Variants in NR1H4 observed in about 807,000 individuals in gnomAD.
The protein encoded by NR1H4 is nuclear receptor subfamily 1 group H member 4.
NR1H4 carries 23 observed loss-of-function variants against 58.5 expected under a neutral mutation model. The observed-to-expected ratio is 0.39, with a 90% CI of 0.28 to 0.56. The LOEUF (loss-of-function observed/expected upper bound fraction) is 0.56, where lower values mean the gene tolerates loss of function less well. Ranked by LOEUF, NR1H4 falls within the 20% of genes least tolerant of loss-of-function variation. NR1H4 has a pLI of 0.58. For missense variants in NR1H4, 487 were observed against 576.9 expected (o/e 0.84, Z 1.60); for synonymous variants, 214 against 198.0 (o/e 1.08, Z -0.68).
chr12:100,477,398 C>G (rs1239447671), intron 1 of NR1H4, among the ~76,000 whole-genome samples: 1 of 151,560 alleles, frequency 6.6e-6, no homozygotes, highest in Non-Finnish European at 1.5e-5. Context: ...AATATAAAAT[C>G]CTAACAAAAC....
At chr12:100,538,477 T>C (rs1450125989) in intron 8 of NR1H4, among the ~76,000 whole-genome samples, 1 of 152,204 alleles carries the variant, frequency 6.6e-6, no homozygotes, top group Non-Finnish European at 1.5e-5. Context: ...TTATCCACAC[T>C]CATTCTGATG....
intron 3 of NR1H4, among the ~76,000 whole-genome samples, chr12:100,500,570 G>A (rs1370620992): frequency 6.6e-6 from 1 of 152,070 alleles, no homozygotes; most frequent in Non-Finnish European, 1.5e-5. Flanking sequence ...GATATGGTTG[G>A]GCTCTGTGTC....
chr12:100,515,374 G>C (rs1954239136), intron 4 of NR1H4, among the ~76,000 whole-genome samples: 1 of 151,862 alleles, frequency 6.6e-6, no homozygotes, highest in African/African-American at 2.4e-5. Flanking sequence ...GTTTCACCAT[G>C]TTGGCCAGGC....
chr12:100,505,447 G>A, intron 3 of NR1H4: 1 of 504,270 alleles, frequency 2.0e-6, no homozygotes, highest in Non-Finnish European at 3.5e-6. Flanking sequence ...TATGTGGTTA[G>A]TGGCTACCAT....
At chr12:100,538,529 C>G (rs1301446490) in intron 8 of NR1H4, among the ~76,000 whole-genome samples, 1 of 152,106 alleles carries the variant, frequency 6.6e-6, no homozygotes, top group Admixed American at 6.6e-5. Flanking sequence ...TTCTTATATC[C>G]CAGCCTCAAA....
intron 4 of NR1H4, among the ~76,000 whole-genome samples, chr12:100,525,817 T>A (rs1440066298): frequency 2.0e-5 from 3 of 152,196 alleles, no homozygotes; most frequent in Non-Finnish European, 1.5e-5. Flanking sequence ...TTTAATAGTA[T>A]AGGCCTATTT....
At chr12:100,541,610 T>C (rs528162025) in intron 9 of NR1H4, among the ~76,000 whole-genome samples, 24 of 142,340 alleles carry the variant, frequency 1.7e-4, no homozygotes, top group South Asian at 6.2e-4. Context: ...CTTTTCTTTT[T>C]TTTTTTTTGA....
At position 100,482,798 on chromosome 12, in the gene NR1H4, C is replaced by G. The variant is rs34752486; in HGVS notation, c.-190+8739C>G. 4.6e-5 allele frequency among the ~76,000 whole-genome samples: 7 copies of G among 152,266 alleles called. No homozygotes were observed. The East Asian group carries it at 9.7e-4, about 21-fold the overall frequency. Reference sequence around the variant, plus strand: ...TCCAGGTTCCTGGTCCTGGAAGCCTCAACTCCAGGTGCTTCTTCTACATCT... The same window carrying G: ...TCCAGGTTCCTGGTCCTGGAAGCCTGAACTCCAGGTGCTTCTTCTACATCT... On this transcript the variant is annotated intron_variant, in intron 1 of 10. Transcript: ENST00000392986.
At chr12:100,559,632 G>A (rs945773468) in intron 9 of NR1H4, among the ~76,000 whole-genome samples, 6 of 152,230 alleles carry the variant, frequency 3.9e-5, no homozygotes, top group African/African-American at 1.4e-4. Context: ...GCAGGGCTCG[G>A]GACCTGCAGC....
rs370016164 is a variant in NR1H4, at chr12:100,531,741, GT to G, written c.446-715del. 5.1e-3 allele frequency among the ~76,000 whole-genome samples: 780 copies of G among 152,048 alleles called. 5 individuals are homozygous for G. The highest frequency in any genetic ancestry group is 0.017 in the African/African-American group (706 of 41,472). On this transcript the variant is annotated intron_variant, in intron 4 of 10. Transcript: ENST00000392986. ...AAATGGAGCAGCAGAGTTGAAGTCG[GT>G]TACCTCCCTTCTTCACTCTAGGCAT...
intron 3 of NR1H4, among the ~76,000 whole-genome samples, chr12:100,502,861 T>C (rs912434957): frequency 6.6e-6 from 1 of 152,046 alleles, no homozygotes; most frequent in East Asian, 1.9e-4. Context: ...TATAAAACCA[T>C]CAGATCTTGT....
chr12:100,541,351 G>A (rs112035968), intron 9 of NR1H4, among the ~76,000 whole-genome samples: 1 of 149,362 alleles, frequency 6.7e-6, no homozygotes, highest in Non-Finnish European at 1.5e-5. Flanking sequence ...GTGTGATCTC[G>A]GCTCACTGCA....
At chr12:100,548,536 C>T (rs1955133350) in intron 9 of NR1H4, among the ~76,000 whole-genome samples, 1 of 152,132 alleles carries the variant, frequency 6.6e-6, no homozygotes, top group Admixed American at 6.6e-5. Flanking sequence ...CCTCCTCTCA[C>T]TTGATGAGAC....
rs955536638 is a variant in NR1H4 at position 100,560,416 on chromosome 12, T to A, written c.1079-1469T>A. Among the ~76,000 whole-genome samples, 6 of 152,158 alleles carry A rather than the reference T, an allele frequency of 3.9e-5. No homozygotes were observed. In the East Asian group the frequency reaches 9.6e-4, roughly 24 times the overall value. On this transcript the variant is annotated intron_variant, in intron 9 of 10. Transcript: ENST00000392986. ...TGAGTTGTAACACTCACTGCGAAGA[T>A]CTGCAGCTTCACTCCTGAACCCAGC...
intron 1 of NR1H4, among the ~76,000 whole-genome samples, chr12:100,489,539 T>C (rs899940444): frequency 2.0e-5 from 3 of 152,196 alleles, no homozygotes; most frequent in African/African-American, 7.2e-5. Flanking sequence ...CTTCTTTTGT[T>C]TTTTTTAACC....
At chr12:100,519,902 G>A (rs1954369570) in intron 4 of NR1H4, among the ~76,000 whole-genome samples, 3 of 152,104 alleles carry the variant, frequency 2.0e-5, no homozygotes, top group Admixed American at 2.0e-4. Context: ...AGGATTGGGG[G>A]CTTAAGCTCT....
chr12:100,556,445 C>T (rs1274856756), intron 9 of NR1H4, among the ~76,000 whole-genome samples: 1 of 127,764 alleles, frequency 7.8e-6, no homozygotes, highest in African/African-American at 2.8e-5. Flanking sequence ...CCAGCCTGGG[C>T]AACAAGAGTG....
At chr12:100,512,968 T>G (rs1954161085) in intron 4 of NR1H4, among the ~76,000 whole-genome samples, 1 of 152,218 alleles carries the variant, frequency 6.6e-6, no homozygotes, top group African/African-American at 2.4e-5. Context: ...TAGTCACTTC[T>G]TAAAAACTGG....
At chr12:100,554,870 T>C (rs949671408) in intron 9 of NR1H4, among the ~76,000 whole-genome samples, 15 of 152,356 alleles carry the variant, frequency 9.8e-5, no homozygotes, top group African/African-American at 3.6e-4. Context: ...GCCCTTTGTT[T>C]ATGTTGGCAT....
Sources: gnomAD v4.1 joint callset for allele counts (sites outside exome capture counted in the v4.1 genomes callset) on GRCh38, gnomAD v4.1.1 for gene constraint, MANE v1.5 for transcripts, NCBI Gene and HGNC (gene_info 2026-07-23, HGNC 2026-07-21) for gene names.